CNTNAP2: variants seen among roughly 807,000 people sequenced by gnomAD.
CNTNAP2 encodes the protein contactin associated protein 2, also known as contactin-associated protein-like 2.
In CNTNAP2, 98 loss-of-function variants were observed where a neutral mutation model predicts 155.2. The ratio of observed to expected loss-of-function variants is 0.63; its 90% CI spans 0.54 to 0.75. The LOEUF is 0.75. CNTNAP2 is among the 30% of genes least tolerant of loss of function. The pLI is 0.00. For synonymous variants in CNTNAP2, 651 were observed against 631.2 expected, an observed-to-expected ratio of 1.03 and a Z score of -0.47; for missense variants, 1,727 against 1,688.1, an observed-to-expected ratio of 1.02 and a Z score of -0.40.
rs1795720137 is a variant in CNTNAP2 at position 148,220,208 on chromosome 7, T to A, written c.3247+2684T>A. On this transcript the variant is annotated intron_variant, in intron 19 of 23. Coordinates refer to ENST00000361727, the MANE Select transcript of CNTNAP2 (RefSeq NM_014141.6). ...AGCTCTGCCTTCCAGGTTCACACCATTCTCCTGCCTCAGCCTCCCGAGTAG... is the reference window on the plus strand; with the variant it reads ...AGCTCTGCCTTCCAGGTTCACACCAATCTCCTGCCTCAGCCTCCCGAGTAG... Among the ~76,000 whole-genome samples, 4 of 152,322 alleles carry A rather than the reference T, an allele frequency of 2.6e-5. No homozygotes were observed. In the South Asian group the frequency reaches 8.3e-4, roughly 32 times the overall value.
At chr7:146,220,324 C>T (rs1799185934) in intron 1 of CNTNAP2, among the ~76,000 whole-genome samples, 1 of 151,916 alleles carries the variant, frequency 6.6e-6, no homozygotes, top group African/African-American at 2.4e-5. Flanking sequence ...TGAAATTTTC[C>T]AGCTAGGTCT....
intron 1 of CNTNAP2, among the ~76,000 whole-genome samples, chr7:146,336,694 A>G (rs965165170): frequency 2.0e-5 from 3 of 152,220 alleles, no homozygotes; most frequent in Non-Finnish European, 4.4e-5. Context: ...ATACTCCTCA[A>G]TAAGTGAATA....
intron 1 of CNTNAP2, among the ~76,000 whole-genome samples, chr7:146,530,260 C>A (rs1797750762): frequency 6.6e-6 from 1 of 152,054 alleles, no homozygotes; most frequent in Non-Finnish European, 1.5e-5. Flanking sequence ...AATGTAAAAT[C>A]TAATACTATA....
chr7:147,872,926 T>G (rs191379404), intron 13 of CNTNAP2, among the ~76,000 whole-genome samples: 1 of 152,364 alleles, frequency 6.6e-6, no homozygotes, highest in Non-Finnish European at 1.5e-5. Flanking sequence ...ATAGTTCATG[T>G]CTCTTTAGAT....
At chr7:148,107,397 C>T (rs970584513) in intron 15 of CNTNAP2, among the ~76,000 whole-genome samples, 2 of 152,144 alleles carry the variant, frequency 1.3e-5, no homozygotes, top group Non-Finnish European at 2.9e-5. Context: ...TGACTCCTCC[C>T]GCAAACTTGT....
At chr7:147,052,171 G>A (rs1799485925) in intron 4 of CNTNAP2, among the ~76,000 whole-genome samples, 1 of 151,954 alleles carries the variant, frequency 6.6e-6, no homozygotes, top group Non-Finnish European at 1.5e-5. Flanking sequence ...TGAGTCATGT[G>A]TTTATTTTCA....
rs1799969654 is a variant in CNTNAP2, at chr7:148,415,671, A to G, written c.*55A>G. The G allele has an allele frequency of 6.3e-7, 1 of 1,597,942 alleles. No individual in the cohort carries two copies. Among genetic ancestry groups the G allele is most frequent in the Non-Finnish European group, 8.6e-7 (1 of 1,166,800 alleles). On this transcript the variant is annotated 3_prime_UTR_variant, in exon 24 of 24. Transcript: ENST00000361727. ...GGAGGGAATTACTAGGGAGGAGAGA[A>G]AGGGACAAAAGCACCCTGCTTCATA... is the stretch of plus-strand genomic sequence containing the variant.
chr7:146,794,449 T>G (rs1314965801), intron 2 of CNTNAP2, among the ~76,000 whole-genome samples: 1 of 152,150 alleles, frequency 6.6e-6, no homozygotes. Context: ...TCATTAAAAA[T>G]AAAAATCATT....
At chr7:147,569,784 T>G (rs1800249031) in intron 12 of CNTNAP2, among the ~76,000 whole-genome samples, 1 of 152,160 alleles carries the variant, frequency 6.6e-6, no homozygotes, top group Non-Finnish European at 1.5e-5. Context: ...TAATACAAAT[T>G]TAGTATCCAC....
At chr7:146,625,585 A>T (rs550395438) in intron 1 of CNTNAP2, among the ~76,000 whole-genome samples, 1 of 152,182 alleles carries the variant, frequency 6.6e-6, no homozygotes, top group East Asian at 1.9e-4. Context: ...TTACAGAGTG[A>T]AGGCAGATTT....
intron 13 of CNTNAP2, among the ~76,000 whole-genome samples, chr7:147,853,681 T>C (rs761447553): frequency 6.6e-5 from 10 of 152,232 alleles, no homozygotes; most frequent in Non-Finnish European, 8.8e-5. Flanking sequence ...GGATGAACCA[T>C]TGCCATAAAA....
At chr7:147,886,873 T>A (rs1193958838) in intron 13 of CNTNAP2, among the ~76,000 whole-genome samples, 1 of 152,176 alleles carries the variant, frequency 6.6e-6, no homozygotes, top group Admixed American at 6.5e-5. Flanking sequence ...ATTTGCGTAA[T>A]CGTGAAACCA....
intron 9 of CNTNAP2, among the ~76,000 whole-genome samples, chr7:147,366,809 ACACC>A (rs774774824): frequency 0.041 from 3,972 of 96,912 alleles, 181 homozygotes; most frequent in African/African-American, 0.11. Flanking sequence ...ACACACACAC[ACACC>A]CCAATGTTTA....
intron 5 of CNTNAP2, among the ~76,000 whole-genome samples, chr7:147,112,761 A>G (rs951704202): frequency 6.6e-6 from 1 of 152,090 alleles, no homozygotes; most frequent in African/African-American, 2.4e-5. Context: ...GTGCTGCTGG[A>G]TTCAGTTTGC....
chr7:148,305,587 A>G (rs188650425), intron 21 of CNTNAP2, among the ~76,000 whole-genome samples: 10 of 152,320 alleles, frequency 6.6e-5, no homozygotes, highest in African/African-American at 2.4e-4. Flanking sequence ...TCTGGCTAAG[A>G]CGCCTCAGGA....
chr7:147,378,224 C>T (rs826811), intron 9 of CNTNAP2: 208,340 of 277,042 alleles, frequency 0.75, 79,453 homozygotes, highest in African/African-American at 0.93. Context: ...AGTTTACAAA[C>T]TCACTCTGTA....
intron 1 of CNTNAP2, among the ~76,000 whole-genome samples, chr7:146,466,845 T>C (rs1796723778): frequency 6.6e-6 from 1 of 152,186 alleles, no homozygotes; most frequent in Non-Finnish European, 1.5e-5. Flanking sequence ...CCCTACTTAA[T>C]ACTTTATTGT....
At chr7:146,390,216 G>T (rs1224653707) in intron 1 of CNTNAP2, among the ~76,000 whole-genome samples, 2 of 151,824 alleles carry the variant, frequency 1.3e-5, no homozygotes, top group African/African-American at 2.4e-5. Flanking sequence ...AAATACAAAA[G>T]TAAATATTAC....
intron 1 of CNTNAP2, among the ~76,000 whole-genome samples, chr7:146,608,846 T>G (rs1563155042): frequency 6.6e-6 from 1 of 152,140 alleles, no homozygotes. Flanking sequence ...CAAATTTCAC[T>G]GTCTCAGCAA....
Sources: gnomAD v4.1 joint callset for allele counts (sites outside exome capture counted in the v4.1 genomes callset) on GRCh38, gnomAD v4.1.1 for gene constraint, MANE v1.5 for transcripts, NCBI Gene and HGNC (gene_info 2026-07-23, HGNC 2026-07-21) for gene names.